Variants in SRGAP3 observed in about 807,000 individuals in gnomAD.
SRGAP3 encodes SLIT-ROBO Rho GTPase activating protein 3, also known as SLIT-ROBO Rho GTPase-activating protein 3.
A neutral mutation model predicts 121.1 loss-of-function variants in SRGAP3; 39 were observed. The ratio of observed to expected loss-of-function variants is 0.32; its 90% confidence interval spans 0.25 to 0.42. SRGAP3 has a LOEUF of 0.42. SRGAP3 is among the 10% of genes least tolerant of loss of function. The probability of loss-of-function intolerance (pLI) is 1.00; values close to 1 mark genes in which losing one functional copy is unlikely to be tolerated. For synonymous variants in SRGAP3, 601 were observed against 570.0 expected (o/e 1.05, Z -0.77); for missense variants, 1,213 against 1,470.6 (o/e 0.82, Z 2.86).
At chr3:9,075,358 C>T (rs1946915171) in intron 4 of SRGAP3, among the ~76,000 whole-genome samples, 1 of 149,858 alleles carries the variant, frequency 6.7e-6, no homozygotes, top group Admixed American at 6.6e-5. Context: ...TGTCAAACTG[C>T]ACATGCATGT....
chr3:9,288,445 T>C (rs1210187788), intron 3 of SRGAP3, among the ~76,000 whole-genome samples: 4 of 151,986 alleles, frequency 2.6e-5, no homozygotes, highest in African/African-American at 9.7e-5. Flanking sequence ...CCTTGTTTCA[T>C]TCTATCTTCC....
chr3:9,084,914 T>C (rs991969044), intron 3 of SRGAP3, among the ~76,000 whole-genome samples: 1 of 152,150 alleles, frequency 6.6e-6, no homozygotes, highest in Non-Finnish European at 1.5e-5. Context: ...AGCACAGGCC[T>C]GTTGGGCAGC....
chr3:9,248,111 C>T (rs981590064), intron 1 of SRGAP3, among the ~76,000 whole-genome samples: 5 of 152,256 alleles, frequency 3.3e-5, no homozygotes, highest in Admixed American at 2.6e-4. Flanking sequence ...CTCGCCCTCC[C>T]GGCAGGCTTC....
intron 3 of SRGAP3, among the ~76,000 whole-genome samples, chr3:9,322,307 G>C (rs1165122488): frequency 6.6e-6 from 1 of 151,826 alleles, no homozygotes; most frequent in African/African-American, 2.4e-5. Flanking sequence ...AGGTGGATTG[G>C]ACTTTCCAAG....
chr3:9,028,115 A>T (rs749979505), intron 12 of SRGAP3: 2 of 1,614,206 alleles, frequency 1.2e-6, no homozygotes, highest in Non-Finnish European at 1.7e-6. Flanking sequence ...TCCTGGTTCG[A>T]GCATTTCTTC....
intron 1 of SRGAP3, among the ~76,000 whole-genome samples, chr3:9,221,110 C>T (rs1952797699): frequency 6.6e-6 from 1 of 151,030 alleles, no homozygotes; most frequent in African/African-American, 2.4e-5. Context: ...GGTCTTTCCC[C>T]AGCACTGCCC....
intron 1 of SRGAP3, among the ~76,000 whole-genome samples, chr3:9,353,059 G>A (rs1027051115): frequency 1.3e-5 from 2 of 152,090 alleles, no homozygotes; most frequent in African/African-American, 4.8e-5. Context: ...CTTTGCCTTT[G>A]GCACCGTGTT....
intron 1 of SRGAP3, among the ~76,000 whole-genome samples, chr3:9,229,672 C>G (rs1213133976): frequency 6.6e-6 from 1 of 152,198 alleles, no homozygotes; most frequent in East Asian, 1.9e-4. Context: ...GCATCCTAAC[C>G]AAATGCCAGT....
At chr3:9,149,964 AAT>A (rs751158523) in intron 1 of SRGAP3, among the ~76,000 whole-genome samples, 39 of 152,110 alleles carry the variant, frequency 2.6e-4, no homozygotes, top group Non-Finnish European at 5.4e-4. Context: ...CGACGTGTCC[AAT>A]ACCGTGCAGG....
intron 1 of SRGAP3, among the ~76,000 whole-genome samples, chr3:9,354,587 C>T (rs2030389082): frequency 1.4e-5 from 2 of 148,100 alleles, no homozygotes; most frequent in Admixed American, 1.4e-4. Context: ...GAGGCTGAGG[C>T]AGAAGAATGG....
chr3:9,085,047 C>T (rs1947398009), intron 3 of SRGAP3, among the ~76,000 whole-genome samples: 1 of 152,190 alleles, frequency 6.6e-6, no homozygotes. Context: ...CTTCTCTGCA[C>T]TTGTAAATGA....
rs929846523 is a variant in SRGAP3, at chr3:9,333,027, A to G, written n.215-2431T>C. ...CATTCGCAACCACAATGGCAGGGGG[A>G]AAAAATACGCTAGCTTCTTGACAGA... is the stretch of plus-strand genomic sequence containing the variant. On this transcript the variant is annotated intron_variant and non_coding_transcript_variant, in intron 1 of 3. Transcript: ENST00000490889. 2.0e-4 allele frequency among the ~76,000 whole-genome samples: 30 copies of G among 152,192 alleles called. 1 individual carries two copies. The highest frequency in any genetic ancestry group is 1.9e-3 in the Admixed American group (29 of 15,286).
rs1574861458 is a variant in SRGAP3, at chr3:8,992,993, A to G, written c.2471T>C (p.Leu824Ser). 3.1e-6 allele frequency: 5 copies of G among 1,614,212 alleles called. No individual in the cohort carries two copies. Among genetic ancestry groups the G allele is most frequent in the East Asian group, 4.5e-5 (2 of 44,882 alleles). Residue 824 changes from leucine (L) to serine (S), a missense_variant, in exon 20 of 22, where the codon TTG becomes TCG. Transcript: ENST00000383836. Reference protein sequence around the residue: ...KADSEASSGPLLDDKASSKND... With the variant: ...KADSEASSGPSLDDKASSKND... ...TTTGGAAGAGGCCTTGTCATCCAGC[A>G]ATGGCCCACTGCTGGCCTCGCTGTC...
rs149623816 is a variant in SRGAP3 at position 8,996,645 on chromosome 3, AAAAC to A, written c.2228-2126_2228-2123del. On this transcript the variant is annotated intron_variant, in intron 18 of 21. Coordinates refer to ENST00000383836, the MANE Select transcript of SRGAP3 (RefSeq NM_014850.4). The stretch of plus-strand genomic sequence containing the variant: ...CTTGACTCAGAGTCACATTCTCAGT[AAAAC>A]AAACAGAGATCTTGGTCCCTCTCTC... 1.1e-3 allele frequency among the ~76,000 whole-genome samples: 164 copies of A among 152,348 alleles called. 1 individual carries two copies. The highest frequency in any genetic ancestry group is 3.3e-3 in the African/African-American group (136 of 41,572).
At chr3:9,097,312 T>C (rs768062783) in intron 3 of SRGAP3, among the ~76,000 whole-genome samples, 26 of 152,250 alleles carry the variant, frequency 1.7e-4, no homozygotes, top group African/African-American at 6.3e-4. Context: ...ATATTATTTA[T>C]AGATTGTTTA....
chr3:9,309,332 T>C (rs1360306973), intron 3 of SRGAP3, among the ~76,000 whole-genome samples: 1 of 152,214 alleles, frequency 6.6e-6, no homozygotes. Flanking sequence ...AATACTGAAG[T>C]AGCCTCTGAT....
At chr3:9,257,698 C>CTTTTT (rs386395913) in intron 3 of SRGAP3, among the ~76,000 whole-genome samples, 2,145 of 73,232 alleles carry the variant, frequency 0.029, 567 homozygotes, top group South Asian at 0.074. Context: ...AAAATAGCTC[C>CTTTTT]TTTTTTTTTT....
At chr3:9,179,815 T>C (rs1379440680) in intron 1 of SRGAP3, among the ~76,000 whole-genome samples, 2 of 152,180 alleles carry the variant, frequency 1.3e-5, no homozygotes, top group Admixed American at 6.5e-5. Flanking sequence ...TGTGAAGACG[T>C]AGAGGTCAAG....
At chr3:8,997,223 C>T (rs955439746) in intron 18 of SRGAP3, among the ~76,000 whole-genome samples, 2 of 152,168 alleles carry the variant, frequency 1.3e-5, no homozygotes, top group Admixed American at 1.3e-4. Flanking sequence ...TTACTTCATT[C>T]CCTCATCTTC....
Sources: gnomAD v4.1 joint callset for allele counts (sites outside exome capture counted in the v4.1 genomes callset) on GRCh38, gnomAD v4.1.1 for gene constraint, MANE v1.5 for transcripts, NCBI Gene and HGNC (gene_info 2026-07-23, HGNC 2026-07-21) for gene names.